The following NAALADL2 variants were observed in gnomAD, a reference collection of about 807,000 sequenced individuals.
NAALADL2 encodes N-acetylated alpha-linked acidic dipeptidase like 2.
In NAALADL2, 76 loss-of-function variants were observed where a neutral mutation model predicts 87.2. That is an observed-to-expected ratio of 0.87 (90% CI 0.72 to 1.05). NAALADL2 has a LOEUF of 1.05. Ranked by LOEUF, NAALADL2 falls within the 50% of genes least tolerant of loss-of-function variation. The probability of loss-of-function intolerance (pLI) is 0.00; values close to 1 mark genes in which losing one functional copy is unlikely to be tolerated. For missense variants in NAALADL2, 1,089 were observed against 945.8 expected (o/e 1.15, Z -1.99); for synonymous variants, 354 against 331.0 (o/e 1.07, Z -0.75).
At chr3:175,327,049 G>T (rs76328511) in intron 5 of NAALADL2, among the ~76,000 whole-genome samples, 6,587 of 151,952 alleles carry the variant, frequency 0.043, 468 homozygotes, top group African/African-American at 0.15. Context: ...AAAATACAAG[G>T]AGGTAGTTTT....
At chr3:175,781,696 A>T (rs946858227) in intron 13 of NAALADL2, among the ~76,000 whole-genome samples, 2 of 151,690 alleles carry the variant, frequency 1.3e-5, no homozygotes, top group Non-Finnish European at 2.9e-5. Flanking sequence ...AAAAATTAAC[A>T]TAACGCTTTT....
intron 5 of NAALADL2, among the ~76,000 whole-genome samples, chr3:175,384,939 G>A (rs1478117228): frequency 6.6e-6 from 1 of 151,848 alleles, no homozygotes; most frequent in Non-Finnish European, 1.5e-5. Context: ...AAAATAATGA[G>A]CTGCTACTCT....
chr3:174,497,481 G>A (rs995845757), intron 1 of NAALADL2, among the ~76,000 whole-genome samples: 6 of 151,700 alleles, frequency 4.0e-5, no homozygotes, highest in Non-Finnish European at 8.8e-5. Flanking sequence ...AAGAAGAAGC[G>A]AAAAGAAACC....
At chr3:175,139,239 C>G (rs1057145321) in intron 2 of NAALADL2, among the ~76,000 whole-genome samples, 3 of 151,646 alleles carry the variant, frequency 2.0e-5, no homozygotes, top group Non-Finnish European at 2.9e-5. Flanking sequence ...TACTGCTTCT[C>G]TTTCCCTTTT....
At chr3:174,652,785 A>G (rs1020802620) in intron 2 of NAALADL2, among the ~76,000 whole-genome samples, 9 of 152,220 alleles carry the variant, frequency 5.9e-5, no homozygotes, top group African/African-American at 1.9e-4. Context: ...TCATTAAGAT[A>G]GAAGGAAAAC....
chr3:175,324,397 A>T (rs1221224391), intron 5 of NAALADL2, 72 bp downstream of exon 5: 5 of 1,204,268 alleles, frequency 4.2e-6, no homozygotes, highest in Non-Finnish European at 4.6e-6. Flanking sequence ...AATAAATGCT[A>T]TCTATCAGGA....
At chr3:175,395,261 G>C (rs1310888898) in intron 5 of NAALADL2, among the ~76,000 whole-genome samples, 1 of 152,066 alleles carries the variant, frequency 6.6e-6, no homozygotes, top group Non-Finnish European at 1.5e-5. Flanking sequence ...ACTCAGAAGA[G>C]TGTACAATTA....
At chr3:175,241,214 T>TA (rs879593136) in intron 3 of NAALADL2, among the ~76,000 whole-genome samples, 55 of 152,068 alleles carry the variant, frequency 3.6e-4, no homozygotes, top group South Asian at 2.7e-3. Flanking sequence ...TTTCATTTTT[T>TA]AAAAAAAATT....
At chr3:175,785,100 T>A (rs2150231303) in intron 13 of NAALADL2, among the ~76,000 whole-genome samples, 1 of 151,208 alleles carries the variant, frequency 6.6e-6, no homozygotes, top group African/African-American at 2.4e-5. Flanking sequence ...CTTTTACATT[T>A]GCTGAGGAGA....
chr3:175,134,406 G>A (rs1409206652), intron 2 of NAALADL2, among the ~76,000 whole-genome samples: 2 of 151,560 alleles, frequency 1.3e-5, no homozygotes, highest in Non-Finnish European at 2.9e-5. Flanking sequence ...ACTTCATCAT[G>A]AGTGTCATCA....
intron 2 of NAALADL2, among the ~76,000 whole-genome samples, chr3:175,135,993 G>A (rs1336922212): frequency 6.6e-6 from 1 of 152,174 alleles, no homozygotes; most frequent in Non-Finnish European, 1.5e-5. Context: ...AAGTTCAAGT[G>A]TTACGGGGAG....
intron 1 of NAALADL2, among the ~76,000 whole-genome samples, chr3:174,464,221 T>C (rs1380165424): frequency 6.6e-6 from 1 of 152,162 alleles, no homozygotes; most frequent in Non-Finnish European, 1.5e-5. Context: ...TAAAAGTGTT[T>C]TATGTTTTAA....
At chr3:175,173,526 A>T (rs1735198687) in intron 2 of NAALADL2, among the ~76,000 whole-genome samples, 1 of 152,112 alleles carries the variant, frequency 6.6e-6, no homozygotes, top group South Asian at 2.1e-4. Context: ...GACATTTTTC[A>T]AATAGTTTAT....
intron 1 of NAALADL2, among the ~76,000 whole-genome samples, chr3:175,075,391 G>T (rs73883341): frequency 0.057 from 8,677 of 152,184 alleles, 812 homozygotes; most frequent in African/African-American, 0.2. Context: ...CAAAGTAAAT[G>T]AAGCTCTTTC....
chr3:174,769,566 A>G (rs1402381128), intron 3 of NAALADL2, among the ~76,000 whole-genome samples: 4 of 151,620 alleles, frequency 2.6e-5, no homozygotes, highest in Non-Finnish European at 4.4e-5. Context: ...AGAACATTCT[A>G]AATTATTTTT....
intron 1 of NAALADL2, among the ~76,000 whole-genome samples, chr3:174,937,072 A>C (rs1737799887): frequency 6.6e-6 from 1 of 152,104 alleles, no homozygotes; most frequent in African/African-American, 2.4e-5. Context: ...CATATAAACT[A>C]CCTGCCCAAA....
intron 1 of NAALADL2, among the ~76,000 whole-genome samples, chr3:174,900,341 A>C (rs1281412163): frequency 6.6e-6 from 1 of 152,110 alleles, no homozygotes; most frequent in African/African-American, 2.4e-5. Context: ...GTATACTTTT[A>C]ATCAATAACA....
intron 2 of NAALADL2, among the ~76,000 whole-genome samples, chr3:174,589,617 A>G (rs1486266223): frequency 6.6e-6 from 1 of 152,228 alleles, no homozygotes; most frequent in Non-Finnish European, 1.5e-5. Context: ...GAGCAAATTT[A>G]GTTGACTGAA....
intron 1 of NAALADL2, among the ~76,000 whole-genome samples, chr3:174,860,688 G>A (rs992512578): frequency 2.0e-5 from 3 of 152,006 alleles, no homozygotes; most frequent in African/African-American, 7.2e-5. Flanking sequence ...TCACCTGTCT[G>A]TATTCAGCGA....
Sources: allele counts gnomAD v4.1 joint callset (sites outside exome capture counted in the v4.1 genomes callset), GRCh38; gene constraint gnomAD v4.1.1; transcripts MANE v1.5; gene names NCBI Gene and HGNC (gene_info 2026-07-23, HGNC 2026-07-21).